The following SPHKAP variants were observed in gnomAD, a reference collection of about 807,000 sequenced individuals.
The protein encoded by SPHKAP is SPHK1 interactor, AKAP domain containing.
A neutral mutation model predicts 137.5 loss-of-function variants in SPHKAP; 67 were observed. The observed-to-expected ratio is 0.49, with a 90% CI of 0.40 to 0.60. SPHKAP has a LOEUF of 0.60. Among genes scored for constraint, SPHKAP ranks in the 20% least tolerant of loss-of-function variants. The pLI is 0.00. For missense variants in SPHKAP, 2,097 were observed against 2,069.3 expected (o/e 1.01, Z -0.26); for synonymous variants, 813 against 785.3 (o/e 1.04, Z -0.59).
chr2:228,113,603 A>AGCTCTCTCTCTCTC (rs1491134215), intron 2 of SPHKAP, among the ~76,000 whole-genome samples: 1 of 97,948 alleles, frequency 1.0e-5, no homozygotes, highest in Non-Finnish European at 2.2e-5. Flanking sequence ...GCATTTAGCC[A>AGCTCTCTCTCTCTC]TCTCTCTCTC....
In SPHKAP at chr2:228,048,632, T is replaced by G. The variant is rs556230933; in HGVS notation, c.247-21089A>C. 3.0e-4 allele frequency among the ~76,000 whole-genome samples: 45 copies of G among 152,308 alleles called. No individual in the cohort carries two copies. In the South Asian group the frequency reaches 9.3e-3, roughly 32 times the overall value. On this transcript the variant is annotated intron_variant, in intron 3 of 11. Coordinates refer to ENST00000392056, the MANE Select transcript of SPHKAP (RefSeq NM_001142644.2). ...CAGGTATCTCTAGACTCACAAATAC[T>G]TACCATTGTGTTACAATTGCCAACA... is the stretch of plus-strand genomic sequence containing the variant.
chr2:228,035,640 G>T (rs1356389067), intron 3 of SPHKAP, among the ~76,000 whole-genome samples: 2 of 152,136 alleles, frequency 1.3e-5, no homozygotes, highest in African/African-American at 4.8e-5. Context: ...TTTACTACAA[G>T]GCTACAGTAA....
At chr2:228,079,009 G>T (rs1697274504) in intron 3 of SPHKAP, among the ~76,000 whole-genome samples, 1 of 152,148 alleles carries the variant, frequency 6.6e-6, no homozygotes, top group South Asian at 2.1e-4. Context: ...GCATTACCAG[G>T]CTGACCCTAA....
intron 3 of SPHKAP, among the ~76,000 whole-genome samples, chr2:228,041,411 G>A (rs1182779026): frequency 1.3e-5 from 2 of 152,048 alleles, no homozygotes; most frequent in African/African-American, 2.4e-5. Context: ...TTGGGAGGCC[G>A]AGGCAGGTGC....
intron 2 of SPHKAP, among the ~76,000 whole-genome samples, chr2:228,110,016 G>T (rs1322300892): frequency 7.9e-6 from 1 of 126,936 alleles, no homozygotes; most frequent in African/African-American, 3.0e-5. Flanking sequence ...TCTTTTAAAA[G>T]ATTCCCAGTG....
In SPHKAP at chr2:228,017,527, C is replaced by A; in HGVS notation, c.3327G>T (p.Pro1109=). The A allele has an allele frequency of 6.2e-7, 1 of 1,613,000 alleles. No homozygotes were observed. The highest frequency in any genetic ancestry group is 8.5e-7 in the Non-Finnish European group (1 of 1,179,656). ...TGGAGACAGAGCTGGCCCTGCTGAC[C>A]GGCTGGCTCAGCGTGCTCATTAAGC... The part of the protein sequence containing the change: ...SLGLMSTLSQ[P]VSRASSVSKQ... Residue 1109 remains proline (P), a synonymous_variant, in exon 7 of 12, where the codon CCG becomes CCT. Transcript: ENST00000392056.
intron 11 of SPHKAP, among the ~76,000 whole-genome samples, chr2:227,985,922 C>T (rs953947877): frequency 6.6e-6 from 1 of 152,182 alleles, no homozygotes; most frequent in Non-Finnish European, 1.5e-5. Context: ...GAGTTGGTCC[C>T]TATATTGCTC....
chr2:228,061,735 A>C (rs1696639892), intron 3 of SPHKAP, among the ~76,000 whole-genome samples: 1 of 151,448 alleles, frequency 6.6e-6, no homozygotes, highest in South Asian at 2.1e-4. Flanking sequence ...AAATATATAT[A>C]TACACACACA....
intron 1 of SPHKAP, among the ~76,000 whole-genome samples, chr2:228,173,301 A>G (rs924337586): frequency 2.0e-5 from 3 of 152,242 alleles, no homozygotes; most frequent in Non-Finnish European, 4.4e-5. Flanking sequence ...CCTATGGTAG[A>G]CTGAATAATT....
At chr2:228,065,846 C>T (rs1696809408) in intron 3 of SPHKAP, among the ~76,000 whole-genome samples, 1 of 152,220 alleles carries the variant, frequency 6.6e-6, no homozygotes. Flanking sequence ...ATGAATCCTT[C>T]ACTGAGCAAA....
intron 7 of SPHKAP, among the ~76,000 whole-genome samples, chr2:228,015,175 G>T (rs1367394157): frequency 6.6e-6 from 1 of 150,394 alleles, no homozygotes; most frequent in Non-Finnish European, 1.5e-5. Flanking sequence ...GCAGTGTTTG[G>T]TTTTTTGTCC....
intron 3 of SPHKAP, among the ~76,000 whole-genome samples, chr2:228,050,346 A>G (rs958529027): frequency 1.3e-5 from 2 of 152,186 alleles, no homozygotes; most frequent in African/African-American, 4.8e-5. Context: ...AACCCAAAGG[A>G]AAATAAGTCA....
chr2:228,072,009 G>GCA (rs1697020062), intron 3 of SPHKAP, among the ~76,000 whole-genome samples: 1 of 152,204 alleles, frequency 6.6e-6, no homozygotes, highest in African/African-American at 2.4e-5. Context: ...GGACTGAGCA[G>GCA]CACAGATTGG....
At chr2:228,031,375 G>C (rs371925107) in intron 3 of SPHKAP, among the ~76,000 whole-genome samples, 10 of 152,164 alleles carry the variant, frequency 6.6e-5, no homozygotes, top group African/African-American at 2.4e-4. Flanking sequence ...CAGGAAGCTC[G>C]ATCTGGGTGG....
At chr2:228,027,010 T>G (rs1361974456) in intron 4 of SPHKAP, among the ~76,000 whole-genome samples, 1 of 152,198 alleles carries the variant, frequency 6.6e-6, no homozygotes, top group Non-Finnish European at 1.5e-5. Context: ...GAATAGATCT[T>G]CAAGTCCTTG....
chr2:228,108,612 A>G (rs1001904451), intron 3 of SPHKAP, among the ~76,000 whole-genome samples: 29 of 152,284 alleles, frequency 1.9e-4, no homozygotes, highest in African/African-American at 6.0e-4. Context: ...CATTTTTTCT[A>G]TTAGATAACT....
chr2:227,993,399 C>T (rs1471236077), intron 9 of SPHKAP, 135 bp downstream of exon 9: 4 of 800,046 alleles, frequency 5.0e-6, no homozygotes, highest in Non-Finnish European at 8.2e-6. Context: ...TGAATTCTTC[C>T]TCCAGTGACA....
chr2:228,121,467 G>C (rs1348047720), intron 2 of SPHKAP, among the ~76,000 whole-genome samples: 1 of 152,206 alleles, frequency 6.6e-6, no homozygotes, highest in African/African-American at 2.4e-5. Flanking sequence ...AGTGAGCCAT[G>C]ATCACGCTAC....
At chr2:228,101,833 TG>T (rs1423274912) in intron 3 of SPHKAP, among the ~76,000 whole-genome samples, 1 of 152,226 alleles carries the variant, frequency 6.6e-6, no homozygotes. Flanking sequence ...TGCATGCAAC[TG>T]TGGTCATTTC....
Sources: gnomAD v4.1 joint callset for allele counts (sites outside exome capture counted in the v4.1 genomes callset) on GRCh38, gnomAD v4.1.1 for gene constraint, MANE v1.5 for transcripts, NCBI Gene and HGNC (gene_info 2026-07-23, HGNC 2026-07-21) for gene names.